The following STRN variants were observed in gnomAD, a reference collection of about 807,000 sequenced individuals.
The protein encoded by STRN is striatin, also known as protein phosphatase 2 regulatory subunit B'''alpha.
Under a neutral mutation model 96.3 loss-of-function variants are expected in STRN, and 53 were observed. The observed-to-expected ratio is 0.55, with a 90% CI of 0.44 to 0.69. STRN has a LOEUF of 0.69. Ranked by LOEUF, STRN falls within the 30% of genes least tolerant of loss-of-function variation. The pLI, the probability that STRN is intolerant of heterozygous loss-of-function variation, is 0.00. For missense variants in STRN, 987 were observed against 963.9 expected (o/e 1.02, Z -0.32); for synonymous variants, 428 against 355.9 (o/e 1.20, Z -2.28).
chr2:36,934,471 T>C (rs1394991116), intron 1 of STRN, among the ~76,000 whole-genome samples: 2 of 152,230 alleles, frequency 1.3e-5, no homozygotes, highest in Admixed American at 6.5e-5. Flanking sequence ...AAAGCATTAC[T>C]TGCAAATGAT....
Position 36,886,665 on chromosome 2 carries a change from G to A in STRN, c.1042+51C>T, listed in dbSNP as rs1669237335. ...AAAACATTGAAAAAAAAAACTGGGG[G>A]ATGTAAAGAGGCAAGATTTATGATT... On this transcript the variant is annotated intron_variant, in intron 8 of 17. Transcript: ENST00000263918. 2.9e-6 allele frequency: 4 copies of A among 1,401,126 alleles called. No homozygotes were observed. In the Middle Eastern group the frequency reaches 5.6e-4, roughly 195 times the overall value. The allele number at this position is 1,401,126 out of a possible 1,614,324, so 86.8% of individuals were successfully genotyped here. A position where few individuals can be genotyped will look rare whatever the true frequency, so the allele number is the denominator to read the frequency against.
intron 1 of STRN, among the ~76,000 whole-genome samples, chr2:36,928,777 T>C (rs1670489571): frequency 6.6e-6 from 1 of 150,898 alleles, no homozygotes; most frequent in Non-Finnish European, 1.5e-5. Context: ...ACCCCATCTC[T>C]ACTAAAAATA....
chr2:36,960,620 T>C (rs1209419311), intron 1 of STRN, among the ~76,000 whole-genome samples: 1 of 152,220 alleles, frequency 6.6e-6, no homozygotes, highest in African/African-American at 2.4e-5. Context: ...TTATTATCCT[T>C]AACTTACACA....
Position 36,855,309 on chromosome 2 carries a change from C to T in STRN, c.1881G>A (p.Pro627=), listed in dbSNP as rs1433565527. ...TGCTGAATGATGCTACCATATGGCT[C>T]GGGTCACTGCTCACTAGATCCACAG... The part of the protein sequence containing the change: ...PASVDLVSSD[P]SHMVASFSKG... Residue 627 remains proline (P), a synonymous_variant, in exon 15 of 18, where the codon CCG becomes CCA. Transcript: ENST00000263918. The T allele has an allele frequency of 1.4e-5, 22 of 1,613,580 alleles. No homozygotes were observed. Among genetic ancestry groups the T allele is most frequent in the African/African-American group, 8.0e-5 (6 of 74,854 alleles).
chr2:36,895,679 A>G (rs1313302343), intron 6 of STRN, among the ~76,000 whole-genome samples: 1 of 151,472 alleles, frequency 6.6e-6, no homozygotes, highest in Non-Finnish European at 1.5e-5. Context: ...TGGGAGGCCG[A>G]GATGGGTGGA....
intron 3 of STRN, among the ~76,000 whole-genome samples, chr2:36,911,029 G>T (rs1218381366): frequency 6.6e-6 from 1 of 151,922 alleles, no homozygotes; most frequent in Admixed American, 6.6e-5. Flanking sequence ...ATAGATAAAA[G>T]AACAAAGAAT....
At chr2:36,922,902 G>C (rs1350597298) in intron 2 of STRN, among the ~76,000 whole-genome samples, 1 of 152,184 alleles carries the variant, frequency 6.6e-6, no homozygotes, top group Non-Finnish European at 1.5e-5. Context: ...CCAGCACTTT[G>C]GGAGGCTGAG....
chr2:36,919,350 T>C (rs1398107509), intron 2 of STRN, among the ~76,000 whole-genome samples: 1 of 152,106 alleles, frequency 6.6e-6, no homozygotes, highest in Non-Finnish European at 1.5e-5. Flanking sequence ...AAAACTGGTG[T>C]CAAAGAAAGC....
In STRN at chr2:36,905,587, T is replaced by A. The variant is rs1211575727; in HGVS notation, c.444A>T (p.Gln148His). The A allele has an allele frequency of 2.5e-6, 4 of 1,613,250 alleles. No homozygotes were observed. The highest frequency in any genetic ancestry group is 3.4e-6 in the Non-Finnish European group (4 of 1,179,908). Residue 148 changes from glutamine (Q) to histidine (H), a missense_variant, in exon 4 of 18, where the codon CAA becomes CAT. Coordinates refer to ENST00000263918, the MANE Select transcript of STRN (RefSeq NM_003162.4). Reference sequence around the variant, plus strand: ...GTTTCCACATTAACTGGCTGTTTTGTTGTGGCTGCACTTCTGTTTCATTAC... The same window carrying A: ...GTTTCCACATTAACTGGCTGTTTTGATGTGGCTGCACTTCTGTTTCATTAC... ...DEGNETEVQPQQNSQLMWKQG... is the reference protein window; with the variant it reads ...DEGNETEVQPHQNSQLMWKQG...
At chr2:36,860,960 T>C (rs963117627) in intron 13 of STRN, among the ~76,000 whole-genome samples, 172 bp downstream of exon 13, 10 of 152,260 alleles carry the variant, frequency 6.6e-5, no homozygotes, top group Non-Finnish European at 1.0e-4. Flanking sequence ...TCTTTTAGCA[T>C]TGTATATCAA....
chr2:36,886,283 G>A (rs1669224701), intron 8 of STRN, among the ~76,000 whole-genome samples: 1 of 152,160 alleles, frequency 6.6e-6, no homozygotes, highest in East Asian at 1.9e-4. Context: ...GAATATTCAG[G>A]GGTAGAAATT....
At chr2:36,920,214 C>T (rs1670215158) in intron 2 of STRN, among the ~76,000 whole-genome samples, 1 of 152,088 alleles carries the variant, frequency 6.6e-6, no homozygotes, top group African/African-American at 2.4e-5. Context: ...TTCAAATTTT[C>T]CTCAATAATT....
intron 15 of STRN, among the ~76,000 whole-genome samples, chr2:36,852,724 T>G (rs1279783928): frequency 6.6e-6 from 1 of 152,198 alleles, no homozygotes; most frequent in East Asian, 1.9e-4. Context: ...CAAGTTTATA[T>G]TCACATAATA....
At chr2:36,886,577 C>G in intron 8 of STRN, 139 bp downstream of exon 8, 1 of 621,240 alleles carries the variant, frequency 1.6e-6, no homozygotes, top group Non-Finnish European at 2.7e-6. Flanking sequence ...ATTTCAACCC[C>G]TGAGAGCAGG....
chr2:36,858,974 G>A (rs1668414975), intron 13 of STRN, among the ~76,000 whole-genome samples: 2 of 152,156 alleles, frequency 1.3e-5, no homozygotes, highest in African/African-American at 4.8e-5. Context: ...AGAAGAGGGG[G>A]AGAACATGAT....
At chr2:36,911,225 T>G (rs970975224) in intron 3 of STRN, among the ~76,000 whole-genome samples, 1 of 152,138 alleles carries the variant, frequency 6.6e-6, no homozygotes, top group African/African-American at 2.4e-5. Flanking sequence ...GAGATCCACT[T>G]CTGCCTCTCC....
chr2:36,899,119 T>A (rs1669617888), intron 6 of STRN, among the ~76,000 whole-genome samples: 1 of 152,196 alleles, frequency 6.6e-6, no homozygotes, highest in African/African-American at 2.4e-5. Context: ...AAAGTTTGCC[T>A]ACCAAAACAA....
chr2:36,894,621 A>G (rs950925785), intron 6 of STRN, among the ~76,000 whole-genome samples: 3 of 152,228 alleles, frequency 2.0e-5, no homozygotes, highest in African/African-American at 7.2e-5. Context: ...ATGGGCCTAA[A>G]GAAATTAGGA....
rs555464619 is a variant in STRN, at chr2:36,840,714, T to C, written c.*8742A>G. On this transcript the variant is annotated 3_prime_UTR_variant, in exon 18 of 18. Transcript: ENST00000263918. Reference sequence around the variant, plus strand: ...CATGGTCTGTGCCTTAGGGAGCTTATATAGACAAAAGCAAACAAATAATCA... The same window carrying C: ...CATGGTCTGTGCCTTAGGGAGCTTACATAGACAAAAGCAAACAAATAATCA... 1 of 152,120 alleles carries C rather than the reference T, an allele frequency of 6.6e-6. No individual in the cohort carries two copies. The highest frequency in any genetic ancestry group is 1.5e-5 in the Non-Finnish European group (1 of 68,020). The allele number at this position is 152,120 out of a possible 1,614,324, so 9.4% of individuals were successfully genotyped here.
Sources: gnomAD v4.1 joint callset for allele counts (sites outside exome capture counted in the v4.1 genomes callset) on GRCh38, gnomAD v4.1.1 for gene constraint, MANE v1.5 for transcripts, NCBI Gene and HGNC (gene_info 2026-07-23, HGNC 2026-07-21) for gene names.